GSTO2: variants seen among roughly 807,000 people sequenced by gnomAD.
The protein encoded by GSTO2 is glutathione S-transferase omega-2.
Under a neutral mutation model 28.4 loss-of-function variants are expected in GSTO2, and 23 were observed. The observed-to-expected ratio is 0.81, with a 90% CI of 0.58 to 1.15. The LOEUF (loss-of-function observed/expected upper bound fraction) is 1.15, where lower values mean the gene tolerates loss of function less well. Ranked by LOEUF, GSTO2 falls within the 50% of genes most tolerant of loss-of-function variation. The pLI, the probability that GSTO2 is intolerant of heterozygous loss-of-function variation, is 0.00. For synonymous variants in GSTO2, 109 were observed against 111.0 expected (o/e 0.98, Z 0.11); for missense variants, 298 against 297.8 (o/e 1.00, Z 0.00).
intron 5 of GSTO2, among the ~76,000 whole-genome samples, chr10:104,282,099 A>AGT: frequency 1.3e-5 from 2 of 151,684 alleles, no homozygotes; most frequent in Middle Eastern, 6.8e-3. Flanking sequence ...CAAGCAGGAG[A>AGT]GTGGTGTACT....
In GSTO2 at chr10:104,274,805, G is replaced by C; in HGVS notation, c.-111G>C. The C allele has an allele frequency of 7.5e-7, 1 of 1,332,866 alleles. No homozygotes were observed. The highest frequency in any genetic ancestry group is 1.3e-5 in the South Asian group (1 of 79,234). The allele number at this position is 1,332,866 out of a possible 1,614,324, so 82.6% of individuals were successfully genotyped here. On this transcript the variant is annotated 5_prime_UTR_variant, in exon 2 of 7. Transcript: ENST00000338595. ...CCCAGTAGTTCAAAAATTAAATTTG[G>C]GGCAAGGGGTGCGCGCCAGAGCGCA...
At chr10:104,275,486 T>G in intron 3 of GSTO2, 152 bp downstream of exon 3, 1 of 609,542 alleles carries the variant, frequency 1.6e-6, no homozygotes, top group Non-Finnish European at 2.8e-6. Flanking sequence ...AAGGGCGAGC[T>G]TTTTTTTAGC....
At position 104,299,373 on chromosome 10, in the gene GSTO2, C is replaced by G; in HGVS notation, c.*89C>G. The G allele has an allele frequency of 7.1e-7, 1 of 1,409,394 alleles. No individual in the cohort carries two copies. The highest frequency in any genetic ancestry group is 2.3e-5 in the East Asian group (1 of 43,184). 87.3% of individuals were successfully genotyped at this position (1,409,394 alleles called of 1,614,324 possible). A position where few individuals can be genotyped will look rare whatever the true frequency, so the allele number is the denominator to read the frequency against. On this transcript the variant is annotated 3_prime_UTR_variant, in exon 7 of 7. Transcript: ENST00000338595. ...TTGTCTTGGGAACCAATCCGTCTCT[C>G]TTTCTTTTCTTTGAAGTTCCCAATA...
chr10:104,279,484 G>T lies in GSTO2; in HGVS notation c.468+13G>T, dbSNP rs568908866. The stretch of plus-strand genomic sequence containing the variant: ...CAACCTGGAAGAGGTACAAAAAGGG[G>T]TCCCTCTCCTGGTCAGCTACAGTGG... On this transcript the variant is annotated intron_variant, in intron 5 of 6. Transcript: ENST00000338595. The T allele has an allele frequency of 6.3e-7, 1 of 1,590,984 alleles. No homozygotes were observed. The highest frequency in any genetic ancestry group is 1.3e-5 in the African/African-American group (1 of 74,338).
intron 5 of GSTO2, among the ~76,000 whole-genome samples, chr10:104,289,138 A>C (rs1294972198): frequency 1.3e-5 from 2 of 152,062 alleles, no homozygotes; most frequent in African/African-American, 4.8e-5. Flanking sequence ...TCACTCTGTC[A>C]CTCAGGCTGG....
chr10:104,272,587 CTTTTTTTTTTTTTTTTTTTTTTT>C lies in GSTO2; in HGVS notation c.-231-2076_-231-2054del, dbSNP rs768279768. Among the ~76,000 whole-genome samples, 201 of 49,300 alleles carry C rather than the reference CTTTTTTTTTTTTTTTTTTTTTTT, an allele frequency of 4.1e-3. 1 individual carries two copies. Among genetic ancestry groups the C allele is most frequent in the South Asian group, 0.013 (16 of 1,214 alleles). The allele number at this position is 49,300 out of a possible 152,430, so 32.3% of individuals were successfully genotyped here. ...GAATCAAAATAGAACAGTTATGGGA[CTTTTTTTTTTTTTTTTTTTTTTT>C]TTTTTTTTTTTTTTTTTTTTTGAGA... On this transcript the variant is annotated intron_variant, in intron 1 of 6. Coordinates refer to ENST00000338595, the MANE Select transcript of GSTO2 (RefSeq NM_183239.2).
In GSTO2 at chr10:104,300,639, AG is replaced by A. The variant is rs1318035817; in HGVS notation, c.*1360del. ...GAGCATCTACTGCCTGCACTATGGG[AG>A]GGGGACCAAGTTTGTCCAATGCTGT... On this transcript the variant is annotated 3_prime_UTR_variant, in exon 7 of 7. Transcript: ENST00000338595. 6.6e-6 allele frequency: 1 copy of A among 152,252 alleles called. No homozygotes were observed. The highest frequency in any genetic ancestry group is 1.5e-5 in the Non-Finnish European group (1 of 68,092). 9.4% of individuals were successfully genotyped at this position (152,252 alleles called of 1,614,324 possible).
At position 104,275,220 on chromosome 10, in the gene GSTO2, C is replaced by T. The variant is rs750159791; in HGVS notation, c.35-6C>T. 2.7e-5 allele frequency: 44 copies of T among 1,611,522 alleles called. No homozygotes were observed. Among genetic ancestry groups the T allele is most frequent in the Non-Finnish European group, 3.7e-5 (44 of 1,178,670 alleles). ...TTCCCTGTCCCCCTCCATCGCTGCT[C>T]TGCAGGAAGCCAGCCCCCAGGGCCA... On this transcript the variant is annotated splice_region_variant and splice_polypyrimidine_tract_variant and intron_variant, in intron 2 of 6. Coordinates refer to ENST00000338595, the MANE Select transcript of GSTO2 (RefSeq NM_183239.2).
rs1465784382 is a variant in GSTO2, at chr10:104,304,806, A to G, written c.*5522A>G. The G allele has an allele frequency of 2.0e-5, 3 of 151,970 alleles. No individual in the cohort carries two copies. Among genetic ancestry groups the G allele is most frequent in the Non-Finnish European group, 2.9e-5 (2 of 68,000 alleles). 9.4% of individuals were successfully genotyped at this position (151,970 alleles called of 1,614,324 possible). On this transcript the variant is annotated 3_prime_UTR_variant, in exon 7 of 7. Coordinates refer to ENST00000338595, the MANE Select transcript of GSTO2 (RefSeq NM_183239.2). Reference sequence around the variant, plus strand: ...TTTCCTGTGTGCAGGTTTAATCTCAACCTGTGATCCCTTGAAAGCTGCAAT... The same window carrying G: ...TTTCCTGTGTGCAGGTTTAATCTCAGCCTGTGATCCCTTGAAAGCTGCAAT...
intron 3 of GSTO2, 23 bp downstream of exon 3, chr10:104,275,357 C>A (rs773104544): frequency 1.2e-6 from 2 of 1,611,392 alleles, no homozygotes; most frequent in Admixed American, 1.7e-5. Flanking sequence ...AACCCAGAGC[C>A]CCCGAGCAAA....
intron 5 of GSTO2, among the ~76,000 whole-genome samples, chr10:104,294,371 G>T (rs566665093): frequency 6.6e-5 from 10 of 152,258 alleles, no homozygotes; most frequent in African/African-American, 2.2e-4. Context: ...TGTCTGGAAG[G>T]TTCCAGGTTT....
chr10:104,272,283 C>T (rs1266834951), intron 1 of GSTO2, among the ~76,000 whole-genome samples: 2 of 152,196 alleles, frequency 1.3e-5, no homozygotes, highest in Non-Finnish European at 2.9e-5. Context: ...TCCATAAATA[C>T]AGCCACACCC....
In GSTO2 at chr10:104,274,939, C is replaced by A; in HGVS notation, c.24C>A (p.Thr8=). Reference sequence around the variant, plus strand: ...CCATGTCTGGGGATGCGACCAGGACCCTGGGGAAAGGTGAGTGCTCTCCAT... The same window carrying A: ...CCATGTCTGGGGATGCGACCAGGACACTGGGGAAAGGTGAGTGCTCTCCAT... MSGDATR[T]LGKGSQPPGP... is the part of the protein sequence containing the mutation. The change falls in exon 2 of 7, where the codon ACC becomes ACA. Residue 8 remains threonine (T), a synonymous_variant. Coordinates refer to ENST00000338595, the MANE Select transcript of GSTO2 (RefSeq NM_183239.2). 3 of 1,603,628 alleles carry A rather than the reference C, an allele frequency of 1.9e-6. No individual in the cohort carries two copies. In the South Asian group the frequency reaches 3.3e-5, roughly 18 times the overall value.
At chr10:104,287,887 CTTTTTTT>C (rs397760653) in intron 5 of GSTO2, among the ~76,000 whole-genome samples, 1 of 116,226 alleles carries the variant, frequency 8.6e-6, no homozygotes, top group Non-Finnish European at 1.8e-5. Context: ...GAAAAAAACA[CTTTTTTT>C]TTTTTTTTTT....
At position 104,275,233 on chromosome 10, in the gene GSTO2, GC is replaced by G. The variant is rs866968480; in HGVS notation, c.47del (p.Pro16GlnfsTer8). On this transcript the variant is annotated frameshift_variant, in exon 3 of 7. Coordinates refer to ENST00000338595, the MANE Select transcript of GSTO2 (RefSeq NM_183239.2). LOFTEE classifies it high-confidence loss of function. Reference protein sequence around the residue: ...ATRTLGKGSQPPGPVPEGLIR... With the variant: ...ATRTLGKGSQXPGPVPEGLIR... ...TCCATCGCTGCTCTGCAGGAAGCCA[GC>G]CCCCAGGGCCAGTCCCGGAGGGGCT... 4.3e-6 allele frequency: 7 copies of G among 1,612,626 alleles called. No homozygotes were observed. The African/African-American group carries it at 9.4e-5, about 22-fold the overall frequency.
At position 104,280,225 on chromosome 10, in the gene GSTO2, GCTT is replaced by G. The variant is rs1210485063; in HGVS notation, c.468+759_468+761del. ...TAGGCAGTTCAGGCCTATCTTGATGGCTTCTTCATGACATTATCAGGAACTGAA... is the reference window on the plus strand; with the variant it reads ...TAGGCAGTTCAGGCCTATCTTGATGGCTTCATGACATTATCAGGAACTGAA... On this transcript the variant is annotated intron_variant, in intron 5 of 6. Transcript: ENST00000338595. 2.0e-5 allele frequency among the ~76,000 whole-genome samples: 3 copies of G among 148,378 alleles called. No homozygotes were observed. The East Asian group carries it at 5.9e-4, about 29-fold the overall frequency.
At position 104,299,678 on chromosome 10, in the gene GSTO2, A is replaced by G. The variant is rs984213875; in HGVS notation, c.*394A>G. 1.4e-5 allele frequency: 3 copies of G among 220,996 alleles called. No homozygotes were observed. The highest frequency in any genetic ancestry group is 4.8e-5 in the African/African-American group (2 of 42,000). 13.7% of individuals were successfully genotyped at this position (220,996 alleles called of 1,614,324 possible). ...AATGTTGTTGAGACAGGGTCTCACT[A>G]TGTTGCTCAGGCTGGTCTCCATCTC... On this transcript the variant is annotated 3_prime_UTR_variant, in exon 7 of 7. Coordinates refer to ENST00000338595, the MANE Select transcript of GSTO2 (RefSeq NM_183239.2).
intron 6 of GSTO2, among the ~76,000 whole-genome samples, chr10:104,298,194 C>T (rs1314426746): frequency 6.6e-6 from 1 of 152,190 alleles, no homozygotes; most frequent in East Asian, 1.9e-4. Flanking sequence ...TATGGAAGTG[C>T]AGGGACATTA....
chr10:104,286,023 A>G, intron 5 of GSTO2: 1 of 271,784 alleles, frequency 3.7e-6, no homozygotes, highest in Non-Finnish European at 7.6e-6. Context: ...CTACAAGCTA[A>G]ATTTTTTATC....
Sources: allele counts gnomAD v4.1 joint callset (sites outside exome capture counted in the v4.1 genomes callset), GRCh38; gene constraint gnomAD v4.1.1; transcripts MANE v1.5; gene names NCBI Gene and HGNC (gene_info 2026-07-23, HGNC 2026-07-21).